PMFBP1: variants seen among roughly 807,000 people sequenced by gnomAD.
PMFBP1 encodes the protein polyamine modulated factor 1 binding protein 1, also known as polyamine-modulated factor 1-binding protein 1.
In PMFBP1, 131 loss-of-function variants were observed where a neutral mutation model predicts 137.8. The observed-to-expected ratio is 0.95, with a 90% CI of 0.82 to 1.10. The LOEUF is 1.10. Among genes scored for constraint, PMFBP1 ranks in the 50% least tolerant of loss-of-function variants. The pLI is 0.00. For missense variants in PMFBP1, 1,199 were observed against 1,175.4 expected (o/e 1.02, Z -0.29); for synonymous variants, 490 against 450.4 (o/e 1.09, Z -1.11).
Position 72,140,578 on chromosome 16 carries a change from G to A in PMFBP1, c.641C>T (p.Pro214Leu). Residue 214 changes from proline (P) to leucine (L), a missense_variant, in exon 6 of 21, where the codon CCT (proline) becomes CTT (leucine). Coordinates refer to ENST00000237353, the MANE Select transcript of PMFBP1 (RefSeq NM_031293.3). Reference sequence around the variant, plus strand: ...CTTTGAATGATCACCCTTGTTCTCAGGCTCCTGAGAGATTTAAAAATAATG... The same window carrying A: ...CTTTGAATGATCACCCTTGTTCTCAAGCTCCTGAGAGATTTAAAAATAATG... ...GELGGIMGQEPENKGDHSKVR... is the reference protein window; with the variant it reads ...GELGGIMGQELENKGDHSKVR... 2 of 1,610,682 alleles carry A rather than the reference G, an allele frequency of 1.2e-6. No individual in the cohort carries two copies. The highest frequency in any genetic ancestry group is 1.7e-6 in the Non-Finnish European group (2 of 1,177,696).
At chr16:72,126,770 C>A (rs997750985) in intron 14 of PMFBP1, among the ~76,000 whole-genome samples, 1 of 152,178 alleles carries the variant, frequency 6.6e-6, no homozygotes, top group Admixed American at 6.5e-5. Flanking sequence ...TTTTCAACAT[C>A]GTAATGAGTA....
At position 72,136,539 on chromosome 16, in the gene PMFBP1, T is replaced by A; in HGVS notation, c.1112A>T (p.Lys371Met). The change falls in exon 9 of 21, where the codon AAG (lysine) becomes ATG (methionine). Residue 371 changes from lysine to methionine, a missense_variant. By Grantham distance (95) the Lys-to-Met change is moderately conservative. Transcript: ENST00000237353. ...REETSAHIER[K>M]DKDITILQCR... Reference sequence around the variant, plus strand: ...CTGCAGGATGGTGATGTCCTTATCCTTCCTCTCAATGTGGGCAGATGTCTC... The same window carrying A: ...CTGCAGGATGGTGATGTCCTTATCCATCCTCTCAATGTGGGCAGATGTCTC... The A allele has an allele frequency of 1.2e-6, 2 of 1,614,012 alleles. No homozygotes were observed. The highest frequency in any genetic ancestry group is 1.7e-6 in the Non-Finnish European group (2 of 1,179,998).
At chr16:72,187,979 A>G in the PMFBP1 span, among the ~76,000 whole-genome samples, 2 of 152,230 alleles carry the variant, frequency 1.3e-5, no homozygotes, top group Non-Finnish European at 2.9e-5. Context: ...GCTTTAATAC[A>G]ATGTCTCTTT....
Position 72,130,575 on chromosome 16 carries a change from TGCA to T in PMFBP1, c.1592_1594del (p.Leu531del). 1 of 1,614,098 alleles carries T rather than the reference TGCA, an allele frequency of 6.2e-7. No individual in the cohort carries two copies. Among genetic ancestry groups the T allele is most frequent in the Non-Finnish European group, 8.5e-7 (1 of 1,180,010 alleles). ...CTTCTCAGCCATCGAGGACTCCTTC[TGCA>T]GCATCTGAAGTTCTCTCTGTAGTTC... On this transcript the variant is annotated inframe_deletion, in exon 11 of 21. Transcript: ENST00000237353.
chr16:72,208,286 A>G, the PMFBP1 span, among the ~76,000 whole-genome samples: 1 of 152,350 alleles, frequency 6.6e-6, no homozygotes, highest in Non-Finnish European at 1.5e-5. Flanking sequence ...TGTGGTAGGG[A>G]AAAGGATGCA....
intron 2 of PMFBP1, 67 bp from the exon 3 acceptor site, chr16:72,164,983 A>T: frequency 8.2e-6 from 12 of 1,470,972 alleles, no homozygotes; most frequent in Non-Finnish European, 1.0e-5. Flanking sequence ...TCATTCACTT[A>T]ACAGGTTGAC....
chr16:72,249,858 T>G, the PMFBP1 span, among the ~76,000 whole-genome samples: 1 of 142,278 alleles, frequency 7.0e-6, no homozygotes, highest in East Asian at 2.0e-4. Flanking sequence ...GAGGCAGAGG[T>G]TGCACTGAGC....
intron 5 of PMFBP1, among the ~76,000 whole-genome samples, chr16:72,149,286 G>A (rs1279056564): frequency 6.6e-6 from 1 of 152,130 alleles, no homozygotes; most frequent in Non-Finnish European, 1.5e-5. Flanking sequence ...GGGGAAATAC[G>A]CTCTCTTAAT....
chr16:72,135,666 T>C (rs988108539), intron 9 of PMFBP1, among the ~76,000 whole-genome samples: 5 of 151,930 alleles, frequency 3.3e-5, no homozygotes, highest in South Asian at 2.1e-4. Context: ...CAGTAACAGT[T>C]CTTTTAGGGC....
At chr16:72,177,915 A>G (rs1027080325), upstream of PMFBP1, among the ~76,000 whole-genome samples, 2 of 152,066 alleles carry the variant, frequency 1.3e-5, no homozygotes, top group African/African-American at 4.8e-5. Flanking sequence ...TTTTTGAGAA[A>G]GAGTCTTACT....
chr16:72,188,018 T>G, the PMFBP1 span, among the ~76,000 whole-genome samples: 1 of 152,228 alleles, frequency 6.6e-6, no homozygotes, highest in Non-Finnish European at 1.5e-5. Flanking sequence ...ATGGTCTCAT[T>G]AGGCAAATGC....
chr16:72,157,587 T>C (rs1021708642), intron 3 of PMFBP1, among the ~76,000 whole-genome samples: 1 of 151,884 alleles, frequency 6.6e-6, no homozygotes, highest in Non-Finnish European at 1.5e-5. Flanking sequence ...TGGAGTGAGA[T>C]AGGAAAAGGA....
At chr16:72,151,706 T>C (rs751920811) in intron 4 of PMFBP1, among the ~76,000 whole-genome samples, 1 of 152,222 alleles carries the variant, frequency 6.6e-6, no homozygotes, top group Non-Finnish European at 1.5e-5. Context: ...GTGTAAGGTG[T>C]CTACTACGTA....
chr16:72,236,652 G>C, the PMFBP1 span, among the ~76,000 whole-genome samples: 3 of 151,996 alleles, frequency 2.0e-5, no homozygotes, highest in African/African-American at 7.2e-5. Context: ...CCCACTTTGG[G>C]GGAAAAACAA....
At chr16:72,123,486 G>A in intron 18 of PMFBP1, 60 bp downstream of exon 18, 1 of 1,473,010 alleles carries the variant, frequency 6.8e-7, no homozygotes, top group Non-Finnish European at 9.4e-7. Flanking sequence ...TGGCACGCAT[G>A]TGGCTCCTCG....
At chr16:72,199,673 A>T in the PMFBP1 span, among the ~76,000 whole-genome samples, 1 of 148,322 alleles carries the variant, frequency 6.7e-6, no homozygotes, top group African/African-American at 2.5e-5. Context: ...AAAAAAAAAA[A>T]GTGTAGGGAG....
chr16:72,136,946 C>G, intron 7 of PMFBP1, 127 bp from the exon 8 acceptor site: 1 of 1,307,608 alleles, frequency 7.6e-7, no homozygotes, highest in Non-Finnish European at 1.1e-6. Context: ...TGCTGGGGGC[C>G]AGGGGATGGG....
the PMFBP1 span, among the ~76,000 whole-genome samples, chr16:72,247,216 T>C: frequency 0.24 from 36,492 of 152,090 alleles, 4,791 homozygotes; most frequent in East Asian, 0.41. Flanking sequence ...AGATATTTTA[T>C]AAGGTGGCAT....
chr16:72,125,587 T>G (rs1435468866), intron 15 of PMFBP1, among the ~76,000 whole-genome samples, 182 bp from the exon 16 acceptor site: 1 of 152,154 alleles, frequency 6.6e-6, no homozygotes, highest in Admixed American at 6.5e-5. Flanking sequence ...TGCACCCTGC[T>G]TTCTCCTTCC....
Sources: allele counts gnomAD v4.1 joint callset (sites outside exome capture counted in the v4.1 genomes callset), GRCh38; gene constraint gnomAD v4.1.1; transcripts MANE v1.5; gene names NCBI Gene and HGNC (gene_info 2026-07-23, HGNC 2026-07-21).